ZNF626: variants seen among roughly 807,000 people sequenced by gnomAD.
ZNF626 encodes zinc finger protein 626, also known as CTC-513N18.7.
In ZNF626, 4 loss-of-function variants were observed where a neutral mutation model predicts 11.7. The observed-to-expected ratio is 0.34, with a 90% confidence interval of 0.17 to 0.78. The LOEUF is 0.78. Among genes scored for constraint, ZNF626 ranks in the 30% least tolerant of loss-of-function variants. The pLI, the probability that ZNF626 is intolerant of heterozygous loss-of-function variation, is 0.57. For missense variants in ZNF626, 588 were observed against 587.1 expected (o/e 1.00, Z -0.01); for synonymous variants, 179 against 198.6 (o/e 0.90, Z 0.83).
intron 3 of ZNF626, among the ~76,000 whole-genome samples, chr19:20,626,109 A>AG (rs1969829008): frequency 2.0e-5 from 3 of 151,510 alleles, no homozygotes; most frequent in East Asian, 3.9e-4. Context: ...AAAATTACAA[A>AG]AAATTAGCTG....
intron 3 of ZNF626, among the ~76,000 whole-genome samples, chr19:20,633,844 C>A (rs1481778830): frequency 2.0e-5 from 3 of 152,176 alleles, no homozygotes; most frequent in African/African-American, 7.2e-5. Flanking sequence ...CCCAGTACCC[C>A]AGTTGGAAAT....
chr19:20,661,208 G>C (rs1367770410), intron 1 of ZNF626, among the ~76,000 whole-genome samples: 2 of 152,090 alleles, frequency 1.3e-5, no homozygotes, highest in Non-Finnish European at 2.9e-5. Context: ...GCTGCCCAGA[G>C]AGGGCTCCAG....
At chr19:20,648,809 T>A (rs1970113806) in intron 1 of ZNF626, among the ~76,000 whole-genome samples, 1 of 152,242 alleles carries the variant, frequency 6.6e-6, no homozygotes, top group African/African-American at 2.4e-5. Flanking sequence ...CATCTTTCCA[T>A]GTTCAACAGC....
rs1269368666 is a variant in ZNF626 at position 20,621,666 on chromosome 19, GTAAT to G, written c.*2620_*2623del. 1.3e-5 allele frequency: 2 copies of G among 152,004 alleles called. No homozygotes were observed. Among genetic ancestry groups the G allele is most frequent in the Non-Finnish European group, 2.9e-5 (2 of 68,008 alleles). 9.4% of individuals were successfully genotyped at this position (152,004 alleles called of 1,614,324 possible). ...TACACATACTATATACTCACAGATA[GTAAT>G]AATAAATTAAGAAAAAAGATTAAAA... is the stretch of plus-strand genomic sequence containing the variant. On this transcript the variant is annotated 3_prime_UTR_variant, in exon 4 of 4. Transcript: ENST00000601440.
chr19:20,625,759 C>T (rs1969823290), intron 3 of ZNF626, 109 bp from the exon 4 acceptor site: 1 of 1,117,382 alleles, frequency 8.9e-7, no homozygotes, highest in Non-Finnish European at 1.2e-6. Flanking sequence ...CAAGATGACA[C>T]AGGAAAATAC....
intron 3 of ZNF626, among the ~76,000 whole-genome samples, chr19:20,640,048 A>G (rs1970006016): frequency 6.6e-6 from 1 of 152,146 alleles, no homozygotes; most frequent in Admixed American, 6.6e-5. Flanking sequence ...ATGATCTTCC[A>G]CAAAGTTGCC....
At chr19:20,631,024 A>G (rs1199500084) in intron 3 of ZNF626, among the ~76,000 whole-genome samples, 5 of 151,840 alleles carry the variant, frequency 3.3e-5, no homozygotes, top group African/African-American at 9.7e-5. Context: ...CCTTCATTTC[A>G]TTATTTACCC....
At chr19:20,640,751 G>A (rs536556336) in intron 3 of ZNF626, among the ~76,000 whole-genome samples, 75 of 151,916 alleles carry the variant, frequency 4.9e-4, no homozygotes, top group African/African-American at 1.8e-3. Flanking sequence ...TGTTGATGAT[G>A]CAATAAAAAT....
rs1369844639 is a variant in ZNF626 at position 20,632,444 on chromosome 19, T to A, written c.227-6794A>T. Among the ~76,000 whole-genome samples the A allele has an allele frequency of 3.9e-5, 6 of 152,298 alleles. No homozygotes were observed. The South Asian group carries it at 8.3e-4, about 21-fold the overall frequency. The stretch of plus-strand genomic sequence containing the variant: ...ATACACCAATCAGATGTAGATTTGG[T>A]CTTTTCACATAGTCCCATATTTCTT... On this transcript the variant is annotated intron_variant, in intron 3 of 3. Coordinates refer to ENST00000601440, the MANE Select transcript of ZNF626 (RefSeq NM_001076675.3).
chr19:20,637,018 C>CAAAAAAAA (rs74172354), intron 3 of ZNF626, among the ~76,000 whole-genome samples: 6 of 58,758 alleles, frequency 1.0e-4, no homozygotes, highest in African/African-American at 2.6e-4. Context: ...GACTCCATCT[C>CAAAAAAAA]AAAAAAAAAA....
At chr19:20,649,132 C>T (rs570722784) in intron 1 of ZNF626, among the ~76,000 whole-genome samples, 2 of 152,166 alleles carry the variant, frequency 1.3e-5, no homozygotes, top group Admixed American at 6.5e-5. Flanking sequence ...CTTTCTCCTC[C>T]TTCTCTGGAT....
intron 1 of ZNF626, among the ~76,000 whole-genome samples, chr19:20,661,185 C>T (rs1970263462): frequency 6.6e-6 from 1 of 152,220 alleles, no homozygotes; most frequent in Non-Finnish European, 1.5e-5. Context: ...AGACGCCACG[C>T]TGCGGGTGCA....
chr19:20,622,271 T>C lies in ZNF626; in HGVS notation c.*2019A>G, dbSNP rs1234735171. 6.6e-6 allele frequency: 1 copy of C among 152,200 alleles called. No individual in the cohort carries two copies. Among genetic ancestry groups the C allele is most frequent in the Non-Finnish European group, 1.5e-5 (1 of 68,034 alleles). 9.4% of individuals were successfully genotyped at this position (152,200 alleles called of 1,614,324 possible). ...CAATTTTTAAATATATTGCATTTTATTACGTAACAGTAAAATTAGTAAAAT... is the reference window on the plus strand; with the variant it reads ...CAATTTTTAAATATATTGCATTTTACTACGTAACAGTAAAATTAGTAAAAT... On this transcript the variant is annotated 3_prime_UTR_variant, in exon 4 of 4. Coordinates refer to ENST00000601440, the MANE Select transcript of ZNF626 (RefSeq NM_001076675.3).
Position 20,625,286 on chromosome 19 carries a change from T to C in ZNF626, c.591A>G (p.Gly197=), listed in dbSNP as rs543037044. The C allele has an allele frequency of 3.1e-6, 5 of 1,613,980 alleles. No individual in the cohort carries two copies. The East Asian group carries it at 1.1e-4, about 36-fold the overall frequency. The part of the protein sequence containing the change: ...TLTTHKKIHT[G]GKPYKCEECG... ...ATTCTTCACATTTGTAGGGTTTCCC[T>C]CCAGTATGAATTTTCTTATGTGTAG... is the stretch of plus-strand genomic sequence containing the variant. Residue 197 remains glycine, a synonymous_variant, in exon 4 of 4, where the codon GGA becomes GGG. Transcript: ENST00000601440.
At position 20,620,206 on chromosome 19, in the gene ZNF626, C is replaced by G. The variant is rs1455928077; in HGVS notation, c.*4084G>C. On this transcript the variant is annotated 3_prime_UTR_variant, in exon 4 of 4. Transcript: ENST00000601440. ...TTGCCTGTGCTTTAATACACGGATTCTGGGGAGAATCCGAGCCATAAGCCA... is the reference window on the plus strand; with the variant it reads ...TTGCCTGTGCTTTAATACACGGATTGTGGGGAGAATCCGAGCCATAAGCCA... 2 of 152,050 alleles carry G rather than the reference C, an allele frequency of 1.3e-5. No individual in the cohort carries two copies. The highest frequency in any genetic ancestry group is 2.9e-5 in the Non-Finnish European group (2 of 68,008). The allele number at this position is 152,050 out of a possible 1,614,324, so 9.4% of individuals were successfully genotyped here. A position where few individuals can be genotyped will look rare whatever the true frequency, so the allele number is the denominator to read the frequency against.
At chr19:20,629,755 T>C (rs1183476303) in intron 3 of ZNF626, among the ~76,000 whole-genome samples, 3 of 152,182 alleles carry the variant, frequency 2.0e-5, no homozygotes, top group Non-Finnish European at 4.4e-5. Flanking sequence ...CTTTTCCTAA[T>C]TGAATACACT....
chr19:20,637,803 G>A (rs7256231), intron 3 of ZNF626, among the ~76,000 whole-genome samples: 68,187 of 151,128 alleles, frequency 0.45, 16,517 homozygotes, highest in African/African-American at 0.64. Flanking sequence ...CAATAATAAC[G>A]TAACTGGAAA....
chr19:20,661,547 T>A lies in ZNF626; in HGVS notation c.-101A>T. On this transcript the variant is annotated 5_prime_UTR_variant, in exon 1 of 4. Transcript: ENST00000601440. ...GGGCCTTTAGGAGAAGAACCAGACC[T>A]GGAGCTCTGACTGCAGCGAGAGACA... is the stretch of plus-strand genomic sequence containing the variant. 2 of 1,333,052 alleles carry A rather than the reference T, an allele frequency of 1.5e-6. No individual in the cohort carries two copies. The highest frequency in any genetic ancestry group is 1.3e-5 in the South Asian group (1 of 76,310). The allele number at this position is 1,333,052 out of a possible 1,614,324, so 82.6% of individuals were successfully genotyped here. A position where few individuals can be genotyped will look rare whatever the true frequency, so the allele number is the denominator to read the frequency against.
At chr19:20,645,300 CAA>C (rs34588720) in intron 3 of ZNF626, 22 of 1,534,298 alleles carry the variant, frequency 1.4e-5, no homozygotes, top group African/African-American at 2.8e-5. Flanking sequence ...AGATCTGATG[CAA>C]AGAGAACTTT....
Sources: allele counts gnomAD v4.1 joint callset (sites outside exome capture counted in the v4.1 genomes callset), GRCh38; gene constraint gnomAD v4.1.1; transcripts MANE v1.5; gene names NCBI Gene and HGNC (gene_info 2026-07-23, HGNC 2026-07-21).